Variants in TNC observed in about 807,000 individuals in gnomAD.
The protein encoded by TNC is tenascin C, also known as tenascin.
Under a neutral mutation model 202.4 loss-of-function variants are expected in TNC, and 109 were observed. The observed-to-expected ratio is 0.54, with a 90% confidence interval of 0.46 to 0.63. The LOEUF (loss-of-function observed/expected upper bound fraction) is 0.63. Ranked by LOEUF, TNC falls within the 30% of genes least tolerant of loss-of-function variation. The probability of loss-of-function intolerance (pLI) is 0.00; values close to 1 mark genes in which losing one functional copy is unlikely to be tolerated. For missense variants in TNC, 2,756 were observed against 2,833.3 expected (o/e 0.97, Z 0.62); for synonymous variants, 1,007 against 1,089.7 (o/e 0.92, Z 1.50).
intron 17 of TNC, 38 bp downstream of exon 17, chr9:115,046,372 A>G (rs920281063): frequency 1.2e-6 from 2 of 1,606,328 alleles, no homozygotes; most frequent in African/African-American, 1.3e-5. Context: ...CCCCTGAGTC[A>G]TGACTTTTCT....
intron 1 of TNC, among the ~76,000 whole-genome samples, chr9:115,103,800 G>A (rs1836413411): frequency 6.6e-6 from 1 of 152,198 alleles, no homozygotes; most frequent in Admixed American, 6.5e-5. Context: ...TTAAGCATTG[G>A]TGGTGCCTCA....
intron 14 of TNC, 83 bp from the exon 15 acceptor site, chr9:115,057,508 T>C (rs1832228301): frequency 1.5e-6 from 2 of 1,370,354 alleles, no homozygotes; most frequent in East Asian, 2.3e-5. Flanking sequence ...AGGTTGTTAA[T>C]AGAACCATTG....
rs372037200 is a variant in TNC at position 115,086,161 on chromosome 9, C to T, written c.1570G>A (p.Gly524Ser). 23 of 1,614,208 alleles carry T rather than the reference C, an allele frequency of 1.4e-5. No homozygotes were observed. Among genetic ancestry groups the T allele is most frequent in the African/African-American group, 1.3e-4 (10 of 75,056 alleles). ...GQCVCEDGFT[G>S]PDCAELSCPN... ...CAGGAGAGTTCTGCACAGTCAGGGC[C>T]GGTGAAGCCGTCCTCACAGACGCAC... Residue 524 changes from glycine (G) to serine (S), a missense_variant, in exon 3 of 28, where the codon GGC (glycine) becomes AGC (serine). Physicochemically the swap from Gly to Ser is moderately conservative, Grantham distance 56. Coordinates refer to ENST00000350763, the MANE Select transcript of TNC (RefSeq NM_002160.4).
In TNC at chr9:115,086,735, G is replaced by C. The variant is rs573086700; in HGVS notation, c.996C>G (p.Cys332Trp). 2.5e-6 allele frequency: 4 copies of C among 1,613,656 alleles called. No individual in the cohort carries two copies. The highest frequency in any genetic ancestry group is 3.4e-6 in the Non-Finnish European group (4 of 1,180,000). Residue 332 changes from cysteine to tryptophan, a missense_variant, in exon 3 of 28, where the codon TGC becomes TGG. Physicochemically the swap from Cys to Trp is radical, Grantham distance 215. This residue lies in a region of TNC where 2,559 missense variants were observed against 2,546.0 expected (regional missense o/e 1.01). Coordinates refer to ENST00000350763, the MANE Select transcript of TNC (RefSeq NM_002160.4). ...RGRCINGTCY[C>W]EEGFTGEDCG... ...AGTCTTCACCTGTGAAGCCTTCTTC[G>C]CAGTAGCAGGTGCCATTGATGCAGC...
At chr9:115,025,354 A>G (rs1343679518) in intron 26 of TNC, among the ~76,000 whole-genome samples, 1 of 151,706 alleles carries the variant, frequency 6.6e-6, no homozygotes, top group Non-Finnish European at 1.5e-5. Flanking sequence ...TGCCATCTCA[A>G]AAGAGCTTTG....
At chr9:115,111,769 G>A (rs1427041124) in intron 1 of TNC, among the ~76,000 whole-genome samples, 1 of 152,060 alleles carries the variant, frequency 6.6e-6, no homozygotes, top group African/African-American at 2.4e-5. Context: ...AGCCCATGTG[G>A]CAAGGAACTG....
chr9:115,076,240 A>C (rs1833841623), intron 8 of TNC, 119 bp from the exon 9 acceptor site: 1 of 1,417,716 alleles, frequency 7.1e-7, no homozygotes. Context: ...AATGTTTTAC[A>C]AAAGAACTCA....
chr9:115,021,257 C>A lies in TNC; in HGVS notation c.6506G>T (p.Trp2169Leu). The change falls in exon 28 of 28, where the codon TGG becomes TTG. Residue 2169 changes from tryptophan (W) to leucine (L), a missense_variant. Trp to Leu is a moderately conservative substitution (Grantham distance 61). This residue lies in a region of TNC where 197 missense variants were observed against 287.3 expected (regional missense o/e 0.69). Coordinates refer to ENST00000350763, the MANE Select transcript of TNC (RefSeq NM_002160.4). ...GTGTTCGTGGCCCTTCCAGTGGAAC[C>A]AGTTAACGCCCTGTTAAAAAAAAAA... Reference protein sequence around the residue: ...GDNNHSQGVNWFHWKGHEHSI... With the variant: ...GDNNHSQGVNLFHWKGHEHSI... 6.2e-7 allele frequency: 1 copy of A among 1,606,880 alleles called. No individual in the cohort carries two copies. Among genetic ancestry groups the A allele is most frequent in the Non-Finnish European group, 8.5e-7 (1 of 1,176,384 alleles).
rs758522937 is a variant in TNC at position 115,057,142 on chromosome 9, T to C, written c.4579+11A>G. On this transcript the variant is annotated intron_variant, in intron 15 of 27. Transcript: ENST00000350763. ...AGAGAGTGCGTTAGAAATGGGAGAA[T>C]GCACATGTACCTGTCGTGGCTGTGG... 9 of 1,602,304 alleles carry C rather than the reference T, an allele frequency of 5.6e-6. No individual in the cohort carries two copies. The South Asian group carries it at 9.0e-5, about 16-fold the overall frequency.
intron 26 of TNC, among the ~76,000 whole-genome samples, chr9:115,025,523 G>T (rs1472325369): frequency 6.6e-6 from 1 of 152,050 alleles, no homozygotes; most frequent in Non-Finnish European, 1.5e-5. Flanking sequence ...AGTGGGCATG[G>T]GTTGCATGGG....
At chr9:115,036,343 T>A (rs1830333855) in intron 20 of TNC, 102 bp from the exon 21 acceptor site, 2 of 1,328,524 alleles carry the variant, frequency 1.5e-6, no homozygotes, top group Non-Finnish European at 1.0e-6. Flanking sequence ...ATCGAAACTT[T>A]CAGTGACCCT....
intron 15 of TNC, chr9:115,053,095 G>C: frequency 1.5e-6 from 1 of 645,390 alleles, no homozygotes. Flanking sequence ...TGTAGCCATA[G>C]AACATGAAAG....
Position 115,038,391 on chromosome 9 carries a change from A to T in TNC, c.5393-11T>A. On this transcript the variant is annotated splice_polypyrimidine_tract_variant and intron_variant, in intron 19 of 27. Coordinates refer to ENST00000350763, the MANE Select transcript of TNC (RefSeq NM_002160.4). ...ATGGGCCATCCAGAGCTGCAAAGAA[A>T]GATGGTGGACAGGAGGGAAGTCATT... 1 of 1,613,600 alleles carries T rather than the reference A, an allele frequency of 6.2e-7. No individual in the cohort carries two copies. Among genetic ancestry groups the T allele is most frequent in the Non-Finnish European group, 8.5e-7 (1 of 1,179,672 alleles).
At chr9:115,051,247 G>A (rs1395912707) in intron 15 of TNC, among the ~76,000 whole-genome samples, 1 of 152,046 alleles carries the variant, frequency 6.6e-6, no homozygotes, top group African/African-American at 2.4e-5. Context: ...TGAATGGGTA[G>A]GGCTTAATTA....
chr9:115,088,161 G>A (rs552323702), intron 2 of TNC, among the ~76,000 whole-genome samples: 54 of 152,256 alleles, frequency 3.5e-4, no homozygotes, highest in Admixed American at 1.8e-3. Flanking sequence ...TTTCTTATAC[G>A]TGAAGTTGGG....
intron 26 of TNC, among the ~76,000 whole-genome samples, chr9:115,026,199 G>A (rs1229527634): frequency 6.6e-6 from 1 of 152,118 alleles, no homozygotes; most frequent in Non-Finnish European, 1.5e-5. Flanking sequence ...TGGATTGGAT[G>A]AATATTAAGG....
chr9:115,042,968 C>T (rs1489740856), intron 17 of TNC, among the ~76,000 whole-genome samples: 1 of 152,146 alleles, frequency 6.6e-6, no homozygotes, highest in Non-Finnish European at 1.5e-5. Context: ...GGTCCAAAGC[C>T]AAGAGAACAA....
Position 115,064,052 on chromosome 9 carries a change from C to A in TNC, c.3504G>T (p.Leu1168Phe). Residue 1168 changes from leucine (L) to phenylalanine (F), a missense_variant, in exon 12 of 28, where the codon TTG (leucine) becomes TTT (phenylalanine). Leu to Phe is a conservative substitution (Grantham distance 22). Around this residue, in one of 2 missense-constraint regions of TNC, gnomAD observed 2,559 missense variants for 2,546.0 expected, o/e 1.01. Coordinates refer to ENST00000350763, the MANE Select transcript of TNC (RefSeq NM_002160.4). ...AEASTGETPN[L>F]GEVVVAEVGW... ...CCACCTCGGCCACCACGACCTCTCCCAAATTGGGAGTTTCCCCTGGAGAAG... is the reference window on the plus strand; with the variant it reads ...CCACCTCGGCCACCACGACCTCTCCAAAATTGGGAGTTTCCCCTGGAGAAG... The A allele has an allele frequency of 6.2e-7, 1 of 1,607,770 alleles. No homozygotes were observed. Among genetic ancestry groups the A allele is most frequent in the Non-Finnish European group, 8.5e-7 (1 of 1,175,804 alleles).
chr9:115,038,991 C>T (rs554685811), intron 19 of TNC, among the ~76,000 whole-genome samples: 10 of 152,282 alleles, frequency 6.6e-5, no homozygotes, highest in African/African-American at 2.4e-4. Flanking sequence ...CCAAGCCCAG[C>T]TAACTTTTGT....
Sources: gnomAD v4.1 joint callset for allele counts (sites outside exome capture counted in the v4.1 genomes callset) on GRCh38, gnomAD v4.1.1 for gene constraint, gnomAD v4.1.1 regional missense constraint, MANE v1.5 for transcripts, NCBI Gene and HGNC (gene_info 2026-07-23, HGNC 2026-07-21) for gene names.